The following BCL11A variants were observed in gnomAD, a reference collection of about 807,000 sequenced individuals.
BCL11A encodes the protein B cell CLL/lymphoma 11A.
A neutral mutation model predicts 55.9 loss-of-function variants in BCL11A; 2 were observed. That is an observed-to-expected ratio of 0.04 (90% confidence interval 0.01 to 0.11). The LOEUF is 0.11. BCL11A is among the 10% of genes least tolerant of loss of function. The pLI is 1.00. For missense variants in BCL11A, 817 were observed against 1,137.1 expected (o/e 0.72, Z 4.05); for synonymous variants, 465 against 473.4 (o/e 0.98, Z 0.23).
At chr2:60,468,354 C>T (rs1459606165) in intron 3 of BCL11A, among the ~76,000 whole-genome samples, 3 of 152,180 alleles carry the variant, frequency 2.0e-5, no homozygotes, top group Non-Finnish European at 4.4e-5. Context: ...CTGGCCTTGG[C>T]TAAAGATGTG....
intron 2 of BCL11A, among the ~76,000 whole-genome samples, chr2:60,504,724 C>T (rs1209822198): frequency 6.6e-6 from 1 of 152,168 alleles, no homozygotes. Context: ...AAGCTTTCTA[C>T]TGGTGCTTAG....
rs1350308402 is a variant in BCL11A at position 60,487,963 on chromosome 2, C to T, written c.386-19130G>A. ...TAAAGGTTTACTGACTTGGTTTTCC[C>T]AACTCTAGAATGGAGCCCTCATCTA... is the stretch of plus-strand genomic sequence containing the variant. On this transcript the variant is annotated intron_variant, in intron 2 of 3. Transcript: ENST00000642384. Among the ~76,000 whole-genome samples, 3 of 152,278 alleles carry T rather than the reference C, an allele frequency of 2.0e-5. No homozygotes were observed. The East Asian group carries it at 5.8e-4, about 29-fold the overall frequency.
intron 2 of BCL11A, among the ~76,000 whole-genome samples, chr2:60,483,163 C>A (rs746990292): frequency 6.6e-6 from 1 of 152,132 alleles, no homozygotes; most frequent in Non-Finnish European, 1.5e-5. Context: ...TCAACACAGG[C>A]GAGAGAAGTG....
intron 2 of BCL11A, among the ~76,000 whole-genome samples, chr2:60,473,898 C>CT (rs1217058241): frequency 6.6e-6 from 1 of 152,000 alleles, no homozygotes; most frequent in Non-Finnish European, 1.5e-5. Context: ...TCCTTCATTG[C>CT]TTTTTTACTG....
At chr2:60,531,828 C>A (rs939690003) in intron 2 of BCL11A, among the ~76,000 whole-genome samples, 1 of 152,314 alleles carries the variant, frequency 6.6e-6, no homozygotes, top group East Asian at 1.9e-4. Flanking sequence ...CCCTCTCTGC[C>A]GGCCGCAGCT....
In BCL11A at chr2:60,476,486, C is replaced by T. The variant is rs764680722; in HGVS notation, c.386-7653G>A. ...CACAGGACTCTAAGAAAAGGGAGTC[C>T]TCTCCCCAGCCACCACAAACCAGGA... On this transcript the variant is annotated intron_variant, in intron 2 of 3. Coordinates refer to ENST00000642384, the MANE Select transcript of BCL11A (RefSeq NM_022893.4). 2.0e-5 allele frequency among the ~76,000 whole-genome samples: 3 copies of T among 152,218 alleles called. No individual in the cohort carries two copies. In the South Asian group the frequency reaches 6.2e-4, roughly 32 times the overall value.
At chr2:60,467,867 C>CT (rs1362379033) in intron 3 of BCL11A, among the ~76,000 whole-genome samples, 3 of 32,456 alleles carry the variant, frequency 9.2e-5, no homozygotes, top group African/African-American at 1.2e-4. Flanking sequence ...GGTGATGGTA[C>CT]TGGTGGTGAT....
At chr2:60,538,639 C>T (rs1396704234) in intron 2 of BCL11A, 1 of 151,586 alleles carries the variant, frequency 6.6e-6, no homozygotes, top group African/African-American at 2.4e-5. Context: ...TAATGGAATT[C>T]CAGTTGAAAG....
chr2:60,552,341 G>A (rs1409098101), intron 1 of BCL11A, among the ~76,000 whole-genome samples: 3 of 152,076 alleles, frequency 2.0e-5, no homozygotes, highest in Admixed American at 6.5e-5. Flanking sequence ...CGGCAACCCA[G>A]GAGGCAGCAG....
chr2:60,552,999 G>T (rs1328066313), intron 1 of BCL11A, among the ~76,000 whole-genome samples: 1 of 151,970 alleles, frequency 6.6e-6, no homozygotes, highest in African/African-American at 2.4e-5. Context: ...AAAATTAAAA[G>T]GTGCGTGCTG....
chr2:60,519,836 T>C (rs1255886790), intron 2 of BCL11A, among the ~76,000 whole-genome samples: 1 of 152,212 alleles, frequency 6.6e-6, no homozygotes, highest in Non-Finnish European at 1.5e-5. Context: ...GAAAACTCAG[T>C]GAAGACAAAG....
intron 2 of BCL11A, chr2:60,545,033 T>A (rs1461000526): frequency 1.3e-5 from 2 of 152,224 alleles, no homozygotes; most frequent in Non-Finnish European, 2.9e-5. Context: ...GTGTGTGTAT[T>A]TTTCCAAGAA....
Position 60,512,458 on chromosome 2 carries a change from G to A in BCL11A, c.385+33513C>T, listed in dbSNP as rs753380168. On this transcript the variant is annotated intron_variant, in intron 2 of 3. Coordinates refer to ENST00000642384, the MANE Select transcript of BCL11A (RefSeq NM_022893.4). ...ACCTGCCCCTGTGCCACACACACTC[G>A]CCTCTCAAATGAGAAAGGCAGCTTT... Among the ~76,000 whole-genome samples the A allele has an allele frequency of 1.1e-4, 16 of 152,064 alleles. 1 individual carries two copies. Among genetic ancestry groups the A allele is most frequent in the South Asian group, 1.0e-3 (5 of 4,818 alleles).
chr2:60,487,346 A>G (rs988706080), intron 2 of BCL11A, among the ~76,000 whole-genome samples: 1 of 152,184 alleles, frequency 6.6e-6, no homozygotes, highest in African/African-American at 2.4e-5. Flanking sequence ...CCACAATGCC[A>G]CACACCGAGA....
chr2:60,457,826 G>A lies in BCL11A; in HGVS notation c.*2578C>T. 9.5e-7 allele frequency: 1 copy of A among 1,048,440 alleles called. No homozygotes were observed. Among genetic ancestry groups the A allele is most frequent in the Non-Finnish European group, 1.2e-6 (1 of 868,626 alleles). The allele number at this position is 1,048,440 out of a possible 1,614,324, so 64.9% of individuals were successfully genotyped here. On this transcript the variant is annotated 3_prime_UTR_variant, in exon 4 of 4. Coordinates refer to ENST00000642384, the MANE Select transcript of BCL11A (RefSeq NM_022893.4). ...CAGTACTGCATACAGTATGGCAGCA[G>A]GAAAAAGGAACAAAAAAGGATATGT...
At chr2:60,520,855 C>T (rs1414976793) in intron 2 of BCL11A, among the ~76,000 whole-genome samples, 1 of 152,104 alleles carries the variant, frequency 6.6e-6, no homozygotes, top group African/African-American at 2.4e-5. Context: ...TGGGTTCCCA[C>T]CGGTGTTTTC....
chr2:60,508,396 G>A (rs1052859577), intron 2 of BCL11A, among the ~76,000 whole-genome samples: 2 of 152,128 alleles, frequency 1.3e-5, no homozygotes, highest in Admixed American at 6.5e-5. Flanking sequence ...CACTGCAGCC[G>A]GGTCCCTGAG....
Position 60,460,100 on chromosome 2 carries a change from A to G in BCL11A, c.*304T>C, listed in dbSNP as rs189586228. ...AAATTATTGCACAAGAGAAAGGCTCAAAGTTTGCGTAAAATGCAATAGTAT... is the reference window on the plus strand; with the variant it reads ...AAATTATTGCACAAGAGAAAGGCTCGAAGTTTGCGTAAAATGCAATAGTAT... On this transcript the variant is annotated 3_prime_UTR_variant, in exon 4 of 4. Coordinates refer to ENST00000642384, the MANE Select transcript of BCL11A (RefSeq NM_022893.4). 81 of 1,125,430 alleles carry G rather than the reference A, an allele frequency of 7.2e-5. No individual in the cohort carries two copies. The highest frequency in any genetic ancestry group is 9.2e-5 in the Admixed American group (2 of 21,716). The allele number at this position is 1,125,430 out of a possible 1,614,324, so 69.7% of individuals were successfully genotyped here. A position where few individuals can be genotyped will look rare whatever the true frequency, so the allele number is the denominator to read the frequency against.
chr2:60,531,675 C>G (rs552128858), intron 2 of BCL11A, among the ~76,000 whole-genome samples: 7 of 152,194 alleles, frequency 4.6e-5, no homozygotes, highest in Non-Finnish European at 1.0e-4. Context: ...CGTGTTTTGG[C>G]AGTGCCCTGG....
Sources: gnomAD v4.1 joint callset for allele counts (sites outside exome capture counted in the v4.1 genomes callset) on GRCh38, gnomAD v4.1.1 for gene constraint, MANE v1.5 for transcripts, NCBI Gene and HGNC (gene_info 2026-07-23, HGNC 2026-07-21) for gene names.